AFF1: variants seen among roughly 807,000 people sequenced by gnomAD.
The protein encoded by AFF1 is AF4/FMR2 family member 1.
In AFF1, 48 loss-of-function variants were observed where a neutral mutation model predicts 121.7. That is an observed-to-expected ratio of 0.39 (90% CI 0.31 to 0.50). The LOEUF is 0.50. AFF1 is among the 20% of genes least tolerant of loss of function. The probability of loss-of-function intolerance (pLI) is 0.76; values close to 1 mark genes in which losing one functional copy is unlikely to be tolerated. For synonymous variants in AFF1, 613 were observed against 563.0 expected (o/e 1.09, Z -1.26); for missense variants, 1,523 against 1,511.7 (o/e 1.01, Z -0.12).
intron 2 of AFF1, among the ~76,000 whole-genome samples, chr4:86,998,599 A>T (rs879745486): frequency 6.6e-6 from 1 of 152,202 alleles, no homozygotes; most frequent in Non-Finnish European, 1.5e-5. Context: ...ATGAAGTGGG[A>T]TACTAACAAA....
intron 13 of AFF1, 40 bp downstream of exon 13, chr4:87,125,183 C>G (rs1728110828): frequency 6.7e-7 from 1 of 1,500,642 alleles, no homozygotes; most frequent in Admixed American, 2.0e-5. Context: ...CTACGGTGAT[C>G]AACACTTCTT....
intron 2 of AFF1, among the ~76,000 whole-genome samples, chr4:87,000,022 G>A (rs1725562649): frequency 1.3e-5 from 2 of 152,200 alleles, no homozygotes; most frequent in Admixed American, 1.3e-4. Context: ...GAGCCAACCT[G>A]AAGGGGCTCC....
At chr4:87,080,173 GA>G (rs1264905103) in intron 4 of AFF1, among the ~76,000 whole-genome samples, 2 of 152,156 alleles carry the variant, frequency 1.3e-5, no homozygotes, top group Non-Finnish European at 2.9e-5. Flanking sequence ...CAGAAGGGGA[GA>G]GCTCGTGCCC....
At position 87,074,959 on chromosome 4, in the gene AFF1, G is replaced by A. The variant is rs1578199556; in HGVS notation, c.1060-9161G>A. Among the ~76,000 whole-genome samples the A allele has an allele frequency of 2.6e-5, 4 of 152,230 alleles. No individual in the cohort carries two copies. In the East Asian group the frequency reaches 7.7e-4, roughly 29 times the overall value. ...AATCCTTGGTTTCATAATTAAAAGA[G>A]GCCCTCTTTGTAGAGATCAAAACAA... On this transcript the variant is annotated intron_variant, in intron 4 of 20. Coordinates refer to ENST00000395146, the MANE Select transcript of AFF1 (RefSeq NM_001166693.3).
At chr4:86,990,056 TAGG>T (rs1039904773) in intron 2 of AFF1, among the ~76,000 whole-genome samples, 52 of 152,084 alleles carry the variant, frequency 3.4e-4, no homozygotes, top group African/African-American at 1.2e-3. Context: ...GGGATAGCAT[TAGG>T]AGAAATACCC....
At chr4:86,961,661 CAA>C (rs3839151) in intron 2 of AFF1, among the ~76,000 whole-genome samples, 6 of 144,740 alleles carry the variant, frequency 4.1e-5, no homozygotes, top group South Asian at 2.2e-4. Context: ...ATTAGTTACC[CAA>C]AAAAAAAAAA....
At chr4:87,102,708 TA>T (rs1365160129) in intron 8 of AFF1, among the ~76,000 whole-genome samples, 1 of 151,828 alleles carries the variant, frequency 6.6e-6, no homozygotes, top group South Asian at 2.1e-4. Context: ...TGATCCTAAT[TA>T]AAAAAAAATT....
intron 8 of AFF1, among the ~76,000 whole-genome samples, chr4:87,103,208 C>T (rs559928659): frequency 2.0e-5 from 3 of 152,228 alleles, no homozygotes; most frequent in South Asian, 4.1e-4. Context: ...TTTTCTCCTC[C>T]AATAATAGCA....
chr4:87,046,411 A>G (rs1049428463), intron 3 of AFF1, 125 bp downstream of exon 3: 3 of 1,325,990 alleles, frequency 2.3e-6, no homozygotes, highest in Non-Finnish European at 3.1e-6. Flanking sequence ...AACTTATTCT[A>G]ACTTATTCTA....
intron 2 of AFF1, among the ~76,000 whole-genome samples, chr4:86,969,484 C>T (rs556484651): frequency 2.7e-5 from 4 of 148,808 alleles, no homozygotes; most frequent in Non-Finnish European, 4.5e-5. Context: ...ATCTCAAAAA[C>T]AGAACAAAAC....
chr4:87,137,340 C>T lies in AFF1; in HGVS notation c.*1639C>T, dbSNP rs1729382535. The T allele has an allele frequency of 4.4e-6, 1 of 228,324 alleles. No homozygotes were observed. Among genetic ancestry groups the T allele is most frequent in the Non-Finnish European group, 8.7e-6 (1 of 114,660 alleles). The allele number at this position is 228,324 out of a possible 1,614,324, so 14.1% of individuals were successfully genotyped here. ...TATTTATAATGAAGACATCTAAGAT[C>T]CCTATGATGAATGCAGGAACTCTCT... On this transcript the variant is annotated 3_prime_UTR_variant, in exon 21 of 21. Transcript: ENST00000395146.
chr4:87,081,350 A>G (rs993531020), intron 4 of AFF1, among the ~76,000 whole-genome samples: 2 of 151,874 alleles, frequency 1.3e-5, no homozygotes, highest in Non-Finnish European at 2.9e-5. Context: ...TTTAGTAGAG[A>G]TGGGGTTTCA....
At chr4:86,996,810 G>A (rs998747653) in intron 2 of AFF1, among the ~76,000 whole-genome samples, 2 of 152,256 alleles carry the variant, frequency 1.3e-5, no homozygotes, top group Non-Finnish European at 2.9e-5. Flanking sequence ...GAGCCTTTAA[G>A]AGGTGATTGG....
intron 4 of AFF1, 25 bp downstream of exon 4, chr4:87,047,619 G>A: frequency 1.9e-6 from 3 of 1,613,712 alleles, no homozygotes; most frequent in East Asian, 4.5e-5. Flanking sequence ...TTATCTTGGG[G>A]AATTCCAATT....
At chr4:87,099,966 A>G (rs1293043356) in intron 8 of AFF1, among the ~76,000 whole-genome samples, 1 of 152,178 alleles carries the variant, frequency 6.6e-6, no homozygotes, top group African/African-American at 2.4e-5. Flanking sequence ...TTGACAGATT[A>G]TGCTGTAGGC....
intron 20 of AFF1, among the ~76,000 whole-genome samples, 159 bp downstream of exon 20, chr4:87,134,853 C>T (rs570369459): frequency 3.9e-5 from 4 of 102,162 alleles, no homozygotes; most frequent in Non-Finnish European, 7.0e-5. Flanking sequence ...AACCTAGTTG[C>T]GGTTGTTCCT....
chr4:87,091,021 C>CAAAA (rs72486264), intron 6 of AFF1, among the ~76,000 whole-genome samples: 5 of 64,832 alleles, frequency 7.7e-5, no homozygotes, highest in Admixed American at 2.1e-4. Context: ...TCTCTACCAC[C>CAAAA]AAAAAAAAAA....
Position 87,055,937 on chromosome 4 carries a change from A to AT in AFF1, c.1059+8348dup, listed in dbSNP as rs144979646. 4.0e-3 allele frequency among the ~76,000 whole-genome samples: 612 copies of AT among 152,316 alleles called. 4 individuals carry two copies. The highest frequency in any genetic ancestry group is 0.014 in the African/African-American group (576 of 41,572). Reference sequence around the variant, plus strand: ...TTTCCCAAGAACTCTATAAGCAGCTATTTTTACATTGATTTTGTTCCTTTC... The same window carrying AT: ...TTTCCCAAGAACTCTATAAGCAGCTATTTTTTACATTGATTTTGTTCCTTTC... On this transcript the variant is annotated intron_variant, in intron 4 of 20. Coordinates refer to ENST00000395146, the MANE Select transcript of AFF1 (RefSeq NM_001166693.3).
intron 6 of AFF1, among the ~76,000 whole-genome samples, chr4:87,091,317 C>A (rs371428298): frequency 1.3e-5 from 2 of 152,102 alleles, no homozygotes; most frequent in South Asian, 4.1e-4. Context: ...GCAGAAGAAT[C>A]GCTTGAACCT....
Sources: allele counts gnomAD v4.1 joint callset (sites outside exome capture counted in the v4.1 genomes callset), GRCh38; gene constraint gnomAD v4.1.1; transcripts MANE v1.5; gene names NCBI Gene and HGNC (gene_info 2026-07-23, HGNC 2026-07-21).